RIMKLB: variants seen among roughly 807,000 people sequenced by gnomAD.
The protein encoded by RIMKLB is ribosomal modification protein rimK like family member B.
RIMKLB carries 7 observed loss-of-function variants against 32.0 expected under a neutral mutation model. The observed-to-expected ratio is 0.22, with a 90% CI of 0.12 to 0.41. RIMKLB has a LOEUF of 0.41. Ranked by LOEUF, RIMKLB falls within the 10% of genes least tolerant of loss-of-function variation. The pLI is 1.00. For missense variants in RIMKLB, 289 were observed against 498.7 expected (o/e 0.58, Z 4.00); for synonymous variants, 172 against 185.1 (o/e 0.93, Z 0.57).
chr12:8,698,757 G>A (rs1323932085), intron 1 of RIMKLB, among the ~76,000 whole-genome samples: 1 of 151,612 alleles, frequency 6.6e-6, no homozygotes, highest in Non-Finnish European at 1.5e-5. Flanking sequence ...GGAGGATCAC[G>A]TGGTGCGGTC....
At chr12:8,687,930 G>A (rs1245760385) in intron 1 of RIMKLB, among the ~76,000 whole-genome samples, 1 of 152,220 alleles carries the variant, frequency 6.6e-6, no homozygotes, top group Non-Finnish European at 1.5e-5. Flanking sequence ...TTAGGACTTG[G>A]AGAACTGCAG....
Position 8,776,985 on chromosome 12 carries a change from T to C in RIMKLB, c.*3201T>C. 7.1e-6 allele frequency: 7 copies of C among 985,856 alleles called. No homozygotes were observed. The highest frequency in any genetic ancestry group is 8.4e-6 in the Non-Finnish European group (7 of 829,922). 61.1% of individuals were successfully genotyped at this position (985,856 alleles called of 1,614,324 possible). On this transcript the variant is annotated 3_prime_UTR_variant, in exon 6 of 6. Transcript: ENST00000535829. ...TGTGAAATCAAATCTTGTGTTATAC[T>C]TTTCTCCTGGCTCACTTTTTTTGAG...
chr12:8,781,865 A>T (rs1158303542), downstream of RIMKLB, among the ~76,000 whole-genome samples: 3 of 152,044 alleles, frequency 2.0e-5, no homozygotes, highest in Non-Finnish European at 4.4e-5. Context: ...TAGAATGTAA[A>T]TGTCAATTAA....
chr12:8,679,098 T>C, upstream of RIMKLB: 1 of 153,678 alleles, frequency 6.5e-6, no homozygotes, highest in Non-Finnish European at 1.5e-5. Flanking sequence ...CACCATCCGG[T>C]GAATTGAAGA....
At chr12:8,723,131 C>A (rs1226462591) in intron 2 of RIMKLB, among the ~76,000 whole-genome samples, 1 of 152,202 alleles carries the variant, frequency 6.6e-6, no homozygotes, top group African/African-American at 2.4e-5. Context: ...TCTGGCCTGT[C>A]TCACCTTTTA....
chr12:8,780,715 G>GA (rs1328306907), downstream of RIMKLB: 2 of 152,152 alleles, frequency 1.3e-5, no homozygotes, highest in Non-Finnish European at 2.9e-5. Flanking sequence ...ACAGGACTAA[G>GA]ATTCCTGCAT....
chr12:8,685,477 C>T lies in RIMKLB; in HGVS notation n.219+3659C>T, dbSNP rs542460269. Among the ~76,000 whole-genome samples the T allele has an allele frequency of 1.5e-3, 232 of 152,238 alleles. 2 individuals are homozygous for T. The highest frequency in any genetic ancestry group is 5.2e-3 in the African/African-American group (215 of 41,530). ...GTGATATTTCTTTAGTCTGTTGATG[C>T]GATGGATTGCATTAATTGATTTTTC... On this transcript the variant is annotated intron_variant and non_coding_transcript_variant, in intron 1 of 1. Coordinates refer to the RIMKLB transcript ENST00000538758.
At chr12:8,765,981 G>T (rs1440831639) in intron 5 of RIMKLB, among the ~76,000 whole-genome samples, 3 of 152,024 alleles carry the variant, frequency 2.0e-5, no homozygotes, top group Non-Finnish European at 4.4e-5. Flanking sequence ...CCTTGATGAG[G>T]ATATCGTGGC....
At chr12:8,705,380 G>C (rs774068982) in intron 1 of RIMKLB, among the ~76,000 whole-genome samples, 1 of 151,750 alleles carries the variant, frequency 6.6e-6, no homozygotes, top group Non-Finnish European at 1.5e-5. Flanking sequence ...AGGAGGCTGA[G>C]GCAAGAGAAT....
At chr12:8,779,172 G>A (rs1950899774), downstream of RIMKLB, 1 of 152,208 alleles carries the variant, frequency 6.6e-6, no homozygotes, top group Non-Finnish European at 1.5e-5. Context: ...CTATGTGATT[G>A]TATAAGGCAT....
chr12:8,748,216 C>T (rs1012556603), intron 2 of RIMKLB, among the ~76,000 whole-genome samples: 4 of 152,140 alleles, frequency 2.6e-5, no homozygotes, highest in African/African-American at 4.8e-5. Context: ...GTAGTCTTCC[C>T]TAGCCACAGT....
rs749377963 is a variant in RIMKLB, at chr12:8,773,615, C to T, written c.992C>T (p.Pro331Leu). ...TCCACTGCCAGTGAGACTAGTGAGC[C>T]GGAGCTGGGTCCCCCAGCCAGCACT... is the stretch of plus-strand genomic sequence containing the variant. ...VVSTASETSE[P>L]ELGPPASTAV... The change falls in exon 6 of 6, where the codon CCG (proline) becomes CTG (leucine). Residue 331 changes from proline (P) to leucine (L), a missense_variant. By Grantham distance (98) the Pro-to-Leu change is moderately conservative. Around this residue, in one of 3 missense-constraint regions of RIMKLB, gnomAD observed 99 missense variants for 133.9 expected, o/e 0.74. Coordinates refer to ENST00000535829, the MANE Select transcript of RIMKLB (RefSeq NM_001297776.2). 8.7e-6 allele frequency: 14 copies of T among 1,614,246 alleles called. No individual in the cohort carries two copies. The highest frequency in any genetic ancestry group is 3.3e-5 in the Admixed American group (2 of 60,036).
chr12:8,692,552 G>T (rs1007100438), upstream of RIMKLB, among the ~76,000 whole-genome samples: 3 of 152,240 alleles, frequency 2.0e-5, no homozygotes, highest in Middle Eastern at 3.4e-3. Context: ...TACAATTAAA[G>T]AAGTAGGGGG....
intron 1 of RIMKLB, among the ~76,000 whole-genome samples, chr12:8,709,514 A>G (rs1944185433): frequency 6.6e-6 from 1 of 152,206 alleles, no homozygotes; most frequent in African/African-American, 2.4e-5. Flanking sequence ...TCTTCACCCA[A>G]CACTTCTGGC....
rs115845429 is a variant in RIMKLB at position 8,728,324 on chromosome 12, G to A, written c.175+14283G>A. 4.9e-3 allele frequency among the ~76,000 whole-genome samples: 740 copies of A among 152,314 alleles called. 5 individuals are homozygous for A. Among genetic ancestry groups the A allele is most frequent in the African/African-American group, 0.017 (697 of 41,576 alleles). On this transcript the variant is annotated intron_variant, in intron 2 of 5. Coordinates refer to ENST00000535829, the MANE Select transcript of RIMKLB (RefSeq NM_001297776.2). ...TTTTTGGTTGAAAGGTGGGAATTGT[G>A]TAAAAGGAACTGGAGTAAATAGGCC...
At chr12:8,764,476 G>C (rs1949788067) in intron 5 of RIMKLB, among the ~76,000 whole-genome samples, 1 of 152,176 alleles carries the variant, frequency 6.6e-6, no homozygotes, top group African/African-American at 2.4e-5. Flanking sequence ...CTTAGTGGCT[G>C]GGAGAAGTAT....
upstream of RIMKLB, among the ~76,000 whole-genome samples, chr12:8,695,543 A>T (rs546135377): frequency 8.2e-4 from 124 of 151,200 alleles, no homozygotes; most frequent in Non-Finnish European, 1.6e-3. Flanking sequence ...TGATAATGGT[A>T]ATGTGTTTAA....
Position 8,726,802 on chromosome 12 carries a change from C to T in RIMKLB, c.175+12761C>T, listed in dbSNP as rs148115153. ...TTAATTGGAATATTTAAACCATTGA[C>T]GTTTACAGTGCTGTTGATATGGTTA... On this transcript the variant is annotated intron_variant, in intron 2 of 5. Coordinates refer to ENST00000535829, the MANE Select transcript of RIMKLB (RefSeq NM_001297776.2). Among the ~76,000 whole-genome samples the T allele has an allele frequency of 5.9e-5, 9 of 152,038 alleles. No individual in the cohort carries two copies. The East Asian group carries it at 7.7e-4, about 13-fold the overall frequency.
chr12:8,763,103 A>G (rs1406018577), intron 5 of RIMKLB, among the ~76,000 whole-genome samples: 3 of 152,202 alleles, frequency 2.0e-5, no homozygotes, highest in Non-Finnish European at 4.4e-5. Flanking sequence ...TCCACACAGT[A>G]AGATCTCTTC....
Sources: allele counts gnomAD v4.1 joint callset (sites outside exome capture counted in the v4.1 genomes callset), GRCh38; gene constraint gnomAD v4.1.1; regional missense constraint gnomAD v4.1.1; transcripts MANE v1.5; gene names NCBI Gene and HGNC (gene_info 2026-07-23, HGNC 2026-07-21).